The following DEPDC1 variants were observed in gnomAD, a reference collection of about 807,000 sequenced individuals.
The protein encoded by DEPDC1 is DEP domain-containing protein 1A.
In DEPDC1, 66 loss-of-function variants were observed where a neutral mutation model predicts 86.8. The ratio of observed to expected loss-of-function variants is 0.76; its 90% CI spans 0.62 to 0.93. The LOEUF (loss-of-function observed/expected upper bound fraction) is 0.93. Among genes scored for constraint, DEPDC1 ranks in the 40% least tolerant of loss-of-function variants. The probability of loss-of-function intolerance (pLI) is 0.00; values close to 1 mark genes in which losing one functional copy is unlikely to be tolerated. For synonymous variants in DEPDC1, 255 were observed against 314.9 expected, an observed-to-expected ratio of 0.81 and a Z score of 2.02; for missense variants, 792 against 935.7, an observed-to-expected ratio of 0.85 and a Z score of 2.00.
rs535393192 is a variant in DEPDC1, at chr1:68,481,218, TCCTTAG to T, written c.1935+216_1935+221del. 8.5e-4 allele frequency among the ~76,000 whole-genome samples: 130 copies of T among 152,088 alleles called. 1 individual carries two copies. Among genetic ancestry groups the T allele is most frequent in the Non-Finnish European group, 1.1e-3 (75 of 67,942 alleles). ...ATTCAGGATGAATGAGCAGGCAAAG[TCCTTAG>T]CCAGGATTAACATCAGCATGTGAAA... On this transcript the variant is annotated intron_variant, in intron 9 of 11. Transcript: ENST00000456315.
At chr1:68,486,881 AACACACACACACACACACAC>A (rs55915411) in intron 6 of DEPDC1, 36 bp downstream of exon 6, 28 of 1,177,354 alleles carry the variant, frequency 2.4e-5, no homozygotes, top group African/African-American at 1.3e-4. Context: ...CTATCAATAT[AACACACACACACACACACAC>A]ACACACACAC....
chr1:68,496,872 C>T lies in DEPDC1; in HGVS notation c.48+80G>A. 1 of 1,454,178 alleles carries T rather than the reference C, an allele frequency of 6.9e-7. No homozygotes were observed. Among genetic ancestry groups the T allele is most frequent in the Non-Finnish European group, 9.6e-7 (1 of 1,046,756 alleles). The allele number at this position is 1,454,178 out of a possible 1,614,324, so 90.1% of individuals were successfully genotyped here. A position where few individuals can be genotyped will look rare whatever the true frequency, so the allele number is the denominator to read the frequency against. On this transcript the variant is annotated intron_variant, in intron 1 of 11. Coordinates refer to ENST00000456315, the MANE Select transcript of DEPDC1 (RefSeq NM_001114120.3). This position sits in a 1 kb window ranked among gnomAD's most constrained non-coding sequence, Gnocchi z 4.0. ...CATCCCTCCGACCGAGGTAAAACTG[C>T]GAACGGTCGAGGTAAAACTGCGAAC...
chr1:68,488,076 A>G (rs755668676), intron 5 of DEPDC1, among the ~76,000 whole-genome samples: 1 of 151,866 alleles, frequency 6.6e-6, no homozygotes, highest in Non-Finnish European at 1.5e-5. Flanking sequence ...GAGGCCCTCA[A>G]CAAAAATGTG....
intron 2 of DEPDC1, among the ~76,000 whole-genome samples, chr1:68,490,062 CATGT>C (rs1486648763): frequency 3.3e-5 from 5 of 152,038 alleles, no homozygotes; most frequent in Admixed American, 3.3e-4. Context: ...AAACAATACC[CATGT>C]ATGTAACTGG....
chr1:68,475,076 A>C lies in DEPDC1; in HGVS notation c.*1856T>G, dbSNP rs554132223. On this transcript the variant is annotated 3_prime_UTR_variant, in exon 12 of 12. Transcript: ENST00000456315. ...CCTGCTTAATCCTCGCAATCCTAAA[A>C]AGAGGTACTATTATAATATTCATTT... 1 of 152,106 alleles carries C rather than the reference A, an allele frequency of 6.6e-6. No homozygotes were observed. The highest frequency in any genetic ancestry group is 2.4e-5 in the African/African-American group (1 of 41,548). 9.4% of individuals were successfully genotyped at this position (152,106 alleles called of 1,614,324 possible). A position where few individuals can be genotyped will look rare whatever the true frequency, so the allele number is the denominator to read the frequency against.
At chr1:68,483,826 C>A (rs1209438781) in intron 7 of DEPDC1, 124 bp downstream of exon 7, 1 of 674,476 alleles carries the variant, frequency 1.5e-6, no homozygotes, top group African/African-American at 1.9e-5. Flanking sequence ...CCTTATTTCA[C>A]TGAATTTTAA....
At chr1:68,478,621 G>A (rs1028094076) in intron 10 of DEPDC1, among the ~76,000 whole-genome samples, 1 of 151,900 alleles carries the variant, frequency 6.6e-6, no homozygotes, top group Non-Finnish European at 1.5e-5. Flanking sequence ...GTAGATGTCT[G>A]TTATTTTGGC....
In DEPDC1 at chr1:68,475,102, T is replaced by C. The variant is rs2100234164; in HGVS notation, c.*1830A>G. The C allele has an allele frequency of 6.6e-6, 1 of 152,168 alleles. No individual in the cohort carries two copies. Among genetic ancestry groups the C allele is most frequent in the African/African-American group, 2.4e-5 (1 of 41,584 alleles). 9.4% of individuals were successfully genotyped at this position (152,168 alleles called of 1,614,324 possible). On this transcript the variant is annotated 3_prime_UTR_variant, in exon 12 of 12. Coordinates refer to ENST00000456315, the MANE Select transcript of DEPDC1 (RefSeq NM_001114120.3). ...AGAGGTACTATTATAATATTCATTT[T>C]ATAGATAACAAAACTGGGGCTTAGA...
At position 68,482,111 on chromosome 1, in the gene DEPDC1, T is replaced by C. The variant is rs925228266; in HGVS notation, c.1697A>G (p.Lys566Arg). The C allele has an allele frequency of 6.2e-7, 1 of 1,610,306 alleles. No individual in the cohort carries two copies. The highest frequency in any genetic ancestry group is 8.5e-7 in the Non-Finnish European group (1 of 1,178,570). Residue 566 changes from lysine to arginine, a missense_variant, in exon 8 of 12, where the codon AAA (lysine) becomes AGA (arginine). Transcript: ENST00000456315. ...SSATINKRLC[K>R]STIELSENSL... ...ATTTTCTGAAAGTTCTATTGTACTT[T>C]TGCAGAGTCTTTTATTGATTGTGGC...
chr1:68,487,736 A>C (rs1646201975), intron 5 of DEPDC1, among the ~76,000 whole-genome samples: 2 of 152,102 alleles, frequency 1.3e-5, no homozygotes, highest in South Asian at 4.1e-4. Context: ...GAAACTTATC[A>C]TAAAAACATC....
At chr1:68,493,584 AG>A (rs1646243151) in intron 2 of DEPDC1, among the ~76,000 whole-genome samples, 1 of 152,240 alleles carries the variant, frequency 6.6e-6, no homozygotes, top group Admixed American at 6.5e-5. Context: ...ATCTGTTAAA[AG>A]GGGTTAATAC....
rs1179170870 is a variant in DEPDC1 at position 68,475,745 on chromosome 1, C to T, written c.*1187G>A. On this transcript the variant is annotated 3_prime_UTR_variant, in exon 12 of 12. Coordinates refer to ENST00000456315, the MANE Select transcript of DEPDC1 (RefSeq NM_001114120.3). Reference sequence around the variant, plus strand: ...AAGAACCTTGTTTTAAGATGAGAGTCATTTATACTTGGCAGGCATTTTCTT... The same window carrying T: ...AAGAACCTTGTTTTAAGATGAGAGTTATTTATACTTGGCAGGCATTTTCTT... 1 of 151,770 alleles carries T rather than the reference C, an allele frequency of 6.6e-6. No individual in the cohort carries two copies. The highest frequency in any genetic ancestry group is 2.4e-5 in the African/African-American group (1 of 41,386). The allele number at this position is 151,770 out of a possible 1,614,324, so 9.4% of individuals were successfully genotyped here.
chr1:68,493,422 C>A (rs1439344780), intron 2 of DEPDC1, among the ~76,000 whole-genome samples: 2 of 151,966 alleles, frequency 1.3e-5, no homozygotes, highest in African/African-American at 4.8e-5. Context: ...CTGTGGGAAT[C>A]AGAAAAGCTC....
At chr1:68,488,201 G>T (rs1047463287) in intron 5 of DEPDC1, among the ~76,000 whole-genome samples, 173 bp downstream of exon 5, 1 of 151,676 alleles carries the variant, frequency 6.6e-6, no homozygotes, top group Non-Finnish European at 1.5e-5. Context: ...ATACTAGCAC[G>T]AATAATACTC....
Position 68,497,067 on chromosome 1 carries a change from T to C in DEPDC1, c.-68A>G. The C allele has an allele frequency of 1.3e-6, 2 of 1,562,766 alleles. No homozygotes were observed. Among genetic ancestry groups the C allele is most frequent in the Admixed American group, 3.4e-5 (2 of 59,192 alleles). Reference sequence around the variant, plus strand: ...CACTCAGGCCCAGCGGCCGCGGCAGTGGCGAGTCTCGGCACAACCGTTGGC... The same window carrying C: ...CACTCAGGCCCAGCGGCCGCGGCAGCGGCGAGTCTCGGCACAACCGTTGGC... On this transcript the variant is annotated 5_prime_UTR_variant, in exon 1 of 12. Transcript: ENST00000456315.
intron 1 of DEPDC1, among the ~76,000 whole-genome samples, chr1:68,495,019 AT>A (rs1052167142): frequency 1.5e-4 from 23 of 152,162 alleles, no homozygotes; most frequent in Non-Finnish European, 1.5e-4. Context: ...GTGCATGCCT[AT>A]AATCCCAGCT....
At chr1:68,494,909 G>A (rs759091452) in intron 1 of DEPDC1, among the ~76,000 whole-genome samples, 1 of 152,120 alleles carries the variant, frequency 6.6e-6, no homozygotes, top group South Asian at 2.1e-4. Flanking sequence ...TTGGGAGGCC[G>A]ATGCGGGTGG....
At position 68,489,474 on chromosome 1, in the gene DEPDC1, C is replaced by G; in HGVS notation, c.449G>C (p.Arg150Thr). ...LRNLSRRTPK[R>T]HGLHLSQENG... ...TACCTGAGATAAATGTAATCCATGC[C>G]TTTTAGGAGTTCTACGAGATAAGTT... The change falls in exon 3 of 12, where the codon AGG becomes ACG. Residue 150 changes from arginine to threonine, a missense_variant. Arg to Thr is a moderately conservative substitution (Grantham distance 71). Coordinates refer to ENST00000456315, the MANE Select transcript of DEPDC1 (RefSeq NM_001114120.3). 1 of 1,514,360 alleles carries G rather than the reference C, an allele frequency of 6.6e-7. No homozygotes were observed. Among genetic ancestry groups the G allele is most frequent in the African/African-American group, 1.5e-5 (1 of 68,642 alleles). 93.8% of individuals were successfully genotyped at this position (1,514,360 alleles called of 1,614,324 possible).
At chr1:68,484,385 G>T (rs1161620790) in intron 6 of DEPDC1, among the ~76,000 whole-genome samples, 1 of 151,918 alleles carries the variant, frequency 6.6e-6, no homozygotes, top group Non-Finnish European at 1.5e-5. Flanking sequence ...AGATTTTATT[G>T]TAATTCATTT....
Sources: gnomAD v4.1 joint callset for allele counts (sites outside exome capture counted in the v4.1 genomes callset) on GRCh38, gnomAD v4.1.1 for gene constraint, Gnocchi (gnomAD v3.1) non-coding constraint, MANE v1.5 for transcripts, NCBI Gene and HGNC (gene_info 2026-07-23, HGNC 2026-07-21) for gene names.